Variants in PLEC observed in about 807,000 individuals in gnomAD.
The protein encoded by PLEC is plectin, also known as hemidesmosomal protein 1.
PLEC carries 216 observed loss-of-function variants against 392.8 expected under a neutral mutation model. That is an observed-to-expected ratio of 0.55 (90% confidence interval 0.49 to 0.62). The LOEUF (loss-of-function observed/expected upper bound fraction) is 0.62, where lower values mean the gene tolerates loss of function less well. Among genes scored for constraint, PLEC ranks in the 20% least tolerant of loss-of-function variants. The probability of loss-of-function intolerance (pLI) is 0.00; values close to 1 mark genes in which losing one functional copy is unlikely to be tolerated. For synonymous variants in PLEC, 3,621 were observed against 2,980.6 expected (o/e 1.21, Z -7.00); for missense variants, 6,863 against 6,563.4 (o/e 1.05, Z -1.58).
At chr8:143,958,499 C>G (rs185892375), upstream of PLEC, 920 of 321,966 alleles carry the variant, frequency 2.9e-3, 6 homozygotes, top group African/African-American at 0.018. The surrounding 1 kb of genome is among the most constrained non-coding windows in gnomAD (Gnocchi z 4.9). Flanking sequence ...AAATATCTCT[C>G]AAACCTGTCC....
upstream of PLEC, among the ~76,000 whole-genome samples, chr8:143,943,128 G>C (rs982253013): frequency 1.3e-5 from 2 of 152,330 alleles, no homozygotes; most frequent in Middle Eastern, 3.4e-3. Flanking sequence ...TCTCAAGTCC[G>C]GGGATCCAGC....
chr8:143,950,419 A>G (rs369911947), exon 1 of PLEC: 50 of 1,600,406 alleles, frequency 3.1e-5, no homozygotes, highest in Non-Finnish European at 4.3e-5. Context: ...CGCGCTGCAG[A>G]GAGGCGGGCA....
At position 143,930,038 on chromosome 8, in the gene PLEC, C is replaced by T. The variant is rs199510331; in HGVS notation, c.2637G>A (p.Leu879=). ...CGTGCAACTGGTGCCACAGCGTGAC[C>T]AGGGCCTGGTGCTGGGCCTCCAGCC... The part of the protein sequence containing the change: ...VTRLEAQHQA[L]VTLWHQLHVD... Residue 879 remains leucine, a synonymous_variant, in exon 22 of 32, where the codon CTG becomes CTA. Coordinates refer to ENST00000345136, the MANE Select transcript of PLEC (RefSeq NM_201384.3). 32 of 1,611,900 alleles carry T rather than the reference C, an allele frequency of 2.0e-5. No individual in the cohort carries two copies. The Admixed American group carries it at 4.2e-4, about 21-fold the overall frequency.
rs782004174 is a variant in PLEC, at chr8:143,931,980, C to T, written c.2135G>A (p.Cys712Tyr). ...CTCCTTCAGGTGTGCCTCGATACAG[C>T]AGCACAGCTGTAGCATCCAGCTCCA... ...TQWSWMLQLCCCIEAHLKENA... is the reference protein window; with the variant it reads ...TQWSWMLQLCYCIEAHLKENA... The change falls in exon 18 of 32, where the codon TGC becomes TAC. Residue 712 changes from cysteine (C) to tyrosine (Y), a missense_variant. Physicochemically the swap from Cys to Tyr is radical, Grantham distance 194. Transcript: ENST00000345136. 3 of 1,608,056 alleles carry T rather than the reference C, an allele frequency of 1.9e-6. No individual in the cohort carries two copies. The highest frequency in any genetic ancestry group is 2.5e-6 in the Non-Finnish European group (3 of 1,178,516).
upstream of PLEC, chr8:143,942,585 GCT>G: frequency 6.8e-7 from 1 of 1,469,850 alleles, no homozygotes; most frequent in Non-Finnish European, 9.0e-7. Context: ...CGGCGCCTCT[GCT>G]TCCAGCCCAC....
At chr8:143,942,320 C>CAG (rs1830636271), upstream of PLEC, 2 of 1,571,414 alleles carry the variant, frequency 1.3e-6, no homozygotes, top group East Asian at 4.5e-5. Context: ...CGGTTCCCAG[C>CAG]AGAGACCCAG....
Position 143,924,881 on chromosome 8 carries a change from G to A in PLEC, c.5048C>T (p.Ala1683Val). The A allele has an allele frequency of 6.3e-7, 1 of 1,589,134 alleles. No homozygotes were observed. The highest frequency in any genetic ancestry group is 1.3e-5 in the African/African-American group (1 of 74,668). ...TTCAGCCAGCTCCCGCTGCCGGACGGCCTGCTCCTCCGCCTTGCCGCGCCG... is the reference window on the plus strand; with the variant it reads ...TTCAGCCAGCTCCCGCTGCCGGACGACCTGCTCCTCCGCCTTGCCGCGCCG... ...ARRRGKAEEQ[A>V]VRQRELAEQE... Residue 1683 changes from alanine (A) to valine (V), a missense_variant, in exon 31 of 32, where the codon GCC becomes GTC. By Grantham distance (64) the Ala-to-Val change is moderately conservative. Transcript: ENST00000345136.
upstream of PLEC, chr8:143,943,984 A>G: frequency 6.5e-7 from 1 of 1,535,778 alleles, no homozygotes; most frequent in Non-Finnish European, 8.7e-7. Context: ...AGGGCGAGCG[A>G]GGGGGAGCGC....
chr8:143,928,359 G>C (rs1170111536), intron 25 of PLEC, among the ~76,000 whole-genome samples: 2 of 152,276 alleles, frequency 1.3e-5, no homozygotes, highest in African/African-American at 4.8e-5. Flanking sequence ...CTGGGCGAAG[G>C]GGACACCGGG....
At chr8:143,972,667 G>A (rs1833490305) in intron 1 of PLEC, among the ~76,000 whole-genome samples, 1 of 152,250 alleles carries the variant, frequency 6.6e-6, no homozygotes, top group Non-Finnish European at 1.5e-5. Context: ...CAGGCCGGCA[G>A]CCAATGCTGT....
chr8:143,964,680 G>A (rs1833004491), intron 1 of PLEC, among the ~76,000 whole-genome samples: 1 of 152,182 alleles, frequency 6.6e-6, no homozygotes, highest in Non-Finnish European at 1.5e-5. Flanking sequence ...ACCTAAAACA[G>A]GGCACATTCT....
chr8:143,927,268 T>A lies in PLEC; in HGVS notation c.3824A>T (p.Tyr1275Phe). 9 of 1,613,234 alleles carry A rather than the reference T, an allele frequency of 5.6e-6. No homozygotes were observed. Among genetic ancestry groups the A allele is most frequent in the Non-Finnish European group, 6.8e-6 (8 of 1,179,904 alleles). Residue 1275 changes from tyrosine (Y) to phenylalanine (F), a missense_variant, in exon 28 of 32, where the codon TAC (tyrosine) becomes TTC (phenylalanine). Transcript: ENST00000345136. Reference protein sequence around the residue: ...VEECQRFAKQYINAIKDYELQ... With the variant: ...VEECQRFAKQFINAIKDYELQ... ...GGGCCTCACCTTGATGGCGTTGATGTACTGTTTCGCAAACCTCTGGCACTC... is the reference window on the plus strand; with the variant it reads ...GGGCCTCACCTTGATGGCGTTGATGAACTGTTTCGCAAACCTCTGGCACTC...
At chr8:143,946,428 C>CA (rs1564201737) in intron 1 of PLEC, 2 of 1,284,714 alleles carry the variant, frequency 1.6e-6, no homozygotes, top group South Asian at 1.2e-5. Flanking sequence ...CGAGAGCCGG[C>CA]AGGGAGGAAG....
chr8:143,967,041 G>A (rs1374518662), intron 1 of PLEC, among the ~76,000 whole-genome samples: 2 of 152,204 alleles, frequency 1.3e-5, no homozygotes, highest in Non-Finnish European at 2.9e-5. Context: ...ACTGGTGAGT[G>A]TTAAAAATTG....
Position 143,916,741 on chromosome 8 carries a change from C to G in PLEC, c.13080G>C (p.Glu4360Asp), listed in dbSNP as rs781946538. ...NLAQKAFCGFEDPRTKTKMSA... is the reference protein window; with the variant it reads ...NLAQKAFCGFDDPRTKTKMSA... ...ACATCTTGGTCTTGGTGCGTGGGTCCTCGAAGCCGCAGAAGGCCTTCTGGG... is the reference window on the plus strand; with the variant it reads ...ACATCTTGGTCTTGGTGCGTGGGTCGTCGAAGCCGCAGAAGGCCTTCTGGG... Residue 4360 changes from glutamate to aspartate, a missense_variant, in exon 32 of 32, where the codon GAG (glutamate) becomes GAC (aspartate). Glu to Asp is a conservative substitution (Grantham distance 45, BLOSUM62 2). Coordinates refer to ENST00000345136, the MANE Select transcript of PLEC (RefSeq NM_201384.3). The G allele has an allele frequency of 6.2e-7, 1 of 1,613,172 alleles. No homozygotes were observed.
At chr8:143,937,485 G>A (rs551841837) in intron 3 of PLEC, among the ~76,000 whole-genome samples, 12 of 152,310 alleles carry the variant, frequency 7.9e-5, no homozygotes, top group Admixed American at 1.3e-4. Flanking sequence ...GGGGTGGGAG[G>A]AGACAATAGC....
At chr8:143,947,835 C>T (rs1255460464) in intron 1 of PLEC, among the ~76,000 whole-genome samples, 1 of 152,232 alleles carries the variant, frequency 6.6e-6, no homozygotes, top group Non-Finnish European at 1.5e-5. Context: ...CACCAAGCAA[C>T]TGAAACTCTG....
In PLEC at chr8:143,921,279, C is replaced by A; in HGVS notation, c.8542G>T (p.Asp2848Tyr). 1 of 1,614,058 alleles carries A rather than the reference C, an allele frequency of 6.2e-7. No homozygotes were observed. Among genetic ancestry groups the A allele is most frequent in the Non-Finnish European group, 8.5e-7 (1 of 1,180,032 alleles). Residue 2848 changes from aspartate to tyrosine, a missense_variant, in exon 32 of 32, where the codon GAC becomes TAC. By Grantham distance (160) the Asp-to-Tyr change is radical (BLOSUM62 -3). Transcript: ENST00000345136. ...GGGTCAAAGAAGCCCTTGGTGTCGT[C>A]GCTGGGGTCCGCCAGGACGCGGTTC... ...EMNRVLADPS[D>Y]DTKGFFDPNT...
In PLEC at chr8:143,925,341, C is replaced by T. The variant is rs530048576; in HGVS notation, c.4588G>A (p.Glu1530Lys). ...AGGGCCTGCAGGGCCCGCTGCTTCT[C>T]GCGCGCCGCCTCGGCCTCGGCCTTC... ...RVKAEAEAAREKQRALQALEE... is the reference protein window; with the variant it reads ...RVKAEAEAARKKQRALQALEE... Residue 1530 changes from glutamate (E) to lysine (K), a missense_variant, in exon 31 of 32, where the codon GAG becomes AAG. Coordinates refer to ENST00000345136, the MANE Select transcript of PLEC (RefSeq NM_201384.3). 29 of 1,552,894 alleles carry T rather than the reference C, an allele frequency of 1.9e-5. No homozygotes were observed. The highest frequency in any genetic ancestry group is 9.3e-5 in the South Asian group (8 of 86,182).
Sources: gnomAD v4.1 joint callset for allele counts (sites outside exome capture counted in the v4.1 genomes callset) on GRCh38, gnomAD v4.1.1 for gene constraint, Gnocchi (gnomAD v3.1) non-coding constraint, MANE v1.5 for transcripts, NCBI Gene and HGNC (gene_info 2026-07-23, HGNC 2026-07-21) for gene names.